Variants in KCNQ1 observed in about 807,000 individuals in gnomAD.
KCNQ1 encodes potassium voltage-gated channel subfamily Q member 1, also known as potassium voltage-gated channel subfamily KQT member 1.
In KCNQ1, 49 loss-of-function variants were observed where a neutral mutation model predicts 72.4. The ratio of observed to expected loss-of-function variants is 0.68; its 90% CI spans 0.54 to 0.86. The LOEUF (loss-of-function observed/expected upper bound fraction) is 0.86. Among genes scored for constraint, KCNQ1 ranks in the 40% least tolerant of loss-of-function variants. The probability of loss-of-function intolerance (pLI) is 0.00; values close to 1 mark genes in which losing one functional copy is unlikely to be tolerated. For synonymous variants in KCNQ1, 450 were observed against 412.6 expected (o/e 1.09, Z -1.10); for missense variants, 790 against 945.1 (o/e 0.84, Z 2.15).
intron 10 of KCNQ1, among the ~76,000 whole-genome samples, chr11:2,590,150 C>T (rs911026169): frequency 6.6e-5 from 10 of 152,210 alleles, no homozygotes; most frequent in African/African-American, 2.2e-4. Context: ...CTGAGCCCAG[C>T]GTGGGGTATT....
At position 2,468,069 on chromosome 11, in the gene KCNQ1, G is replaced by A. The variant is rs1846378663; in HGVS notation, c.386+22585G>A. ...CTTCTTAAAGGGCTGTTAGCCACGT[G>A]CTTAGACTGTGCCCGGAAAATGCAC... On this transcript the variant is annotated intron_variant, in intron 1 of 15. Coordinates refer to ENST00000155840, the MANE Select transcript of KCNQ1 (RefSeq NM_000218.3). This position sits in a 1 kb window ranked among gnomAD's most constrained non-coding sequence, Gnocchi z 5.7. 6.6e-6 allele frequency among the ~76,000 whole-genome samples: 1 copy of A among 152,258 alleles called. No individual in the cohort carries two copies.
rs998027312 is a variant in KCNQ1, at chr11:2,549,461, A to G, written c.478-21167A>G. On this transcript the variant is annotated intron_variant, in intron 2 of 15. Coordinates refer to ENST00000155840, the MANE Select transcript of KCNQ1 (RefSeq NM_000218.3). This position sits in a 1 kb window ranked among gnomAD's most constrained non-coding sequence, Gnocchi z 6.2. The stretch of plus-strand genomic sequence containing the variant: ...AGATTTTCTACCTCAAAGCGATGGA[A>G]CCCAGAAGACATGGGGCCCTCGAGG... Among the ~76,000 whole-genome samples the G allele has an allele frequency of 6.6e-6, 1 of 152,150 alleles. No homozygotes were observed. Among genetic ancestry groups the G allele is most frequent in the African/African-American group, 2.4e-5 (1 of 41,430 alleles).
At position 2,769,872 on chromosome 11, in the gene KCNQ1, GC is replaced by G. The variant is rs1846563065; in HGVS notation, c.1590+956del. Among the ~76,000 whole-genome samples, 1 of 152,118 alleles carries G rather than the reference GC, an allele frequency of 6.6e-6. No homozygotes were observed. The highest frequency in any genetic ancestry group is 1.5e-5 in the Non-Finnish European group (1 of 68,006). On this transcript the variant is annotated intron_variant, in intron 12 of 15. Transcript: ENST00000155840. This position sits in a 1 kb window ranked among gnomAD's most constrained non-coding sequence, Gnocchi z 4.6. The stretch of plus-strand genomic sequence containing the variant: ...ACAGCCTCACCAGTCATAAGGCACA[GC>G]CCAGGAAGGCTCAGCAATGTCCGCC...
In KCNQ1 at chr11:2,484,277, C is replaced by T. The variant is rs762111115; in HGVS notation, c.386+38793C>T. 7.2e-5 allele frequency among the ~76,000 whole-genome samples: 11 copies of T among 152,122 alleles called. No individual in the cohort carries two copies. Among genetic ancestry groups the T allele is most frequent in the Non-Finnish European group, 1.3e-4 (9 of 68,032 alleles). On this transcript the variant is annotated intron_variant, in intron 1 of 15. Transcript: ENST00000155840. The surrounding 1 kb of genome is among the most constrained non-coding windows in gnomAD (Gnocchi z 5.2). ...CTCCGGGGTTCAAGTGATTCTCCTG[C>T]CTCAGCCTCCTGAGTAGCTGGGATT...
At chr11:2,512,615 C>T (rs1004562218) in intron 1 of KCNQ1, among the ~76,000 whole-genome samples, 5 of 152,196 alleles carry the variant, frequency 3.3e-5, no homozygotes, top group South Asian at 2.1e-4. Context: ...GCCCTCTGGC[C>T]GCCTCTTGCT....
chr11:2,779,709 G>A (rs530687959), intron 15 of KCNQ1, among the ~76,000 whole-genome samples: 69 of 152,324 alleles, frequency 4.5e-4, no homozygotes, highest in African/African-American at 1.6e-3. Context: ...ATGGTGGGTG[G>A]CAGACAGGGC....
At chr11:2,628,498 T>A (rs1849296781) in intron 10 of KCNQ1, 1 of 398,350 alleles carries the variant, frequency 2.5e-6, no homozygotes, top group African/African-American at 2.1e-5. Context: ...GGTTATTAAG[T>A]TTTTTTGCTA....
intron 1 of KCNQ1, among the ~76,000 whole-genome samples, chr11:2,489,945 G>A (rs4929989): frequency 0.53 from 80,353 of 151,984 alleles, 22,599 homozygotes; most frequent in Non-Finnish European, 0.63. Flanking sequence ...ACCACAGTGG[G>A]GTAGAGCACC....
chr11:2,514,912 C>T (rs1003795334), intron 1 of KCNQ1, among the ~76,000 whole-genome samples: 10 of 152,208 alleles, frequency 6.6e-5, no homozygotes, highest in African/African-American at 2.4e-4. Flanking sequence ...GCCAGTGGGT[C>T]GTGTTGACCT....
chr11:2,756,639 T>C (rs1445632771), intron 11 of KCNQ1, among the ~76,000 whole-genome samples: 1 of 151,954 alleles, frequency 6.6e-6, no homozygotes, highest in Non-Finnish European at 1.5e-5. Context: ...TTTGTAGAGA[T>C]GTGGTTTGGC....
At position 2,620,199 on chromosome 11, in the gene KCNQ1, G is replaced by T; in HGVS notation, c.1393+31345G>T. ...CTGCAAAGGACGTAAGTTCATTCAT[G>T]TATATATATATATTTTTTTTTTTTA... On this transcript the variant is annotated intron_variant, in intron 10 of 15. Transcript: ENST00000155840. This position sits in a 1 kb window ranked among gnomAD's most constrained non-coding sequence, Gnocchi z 4.5. 1 of 295,192 alleles carries T rather than the reference G, an allele frequency of 3.4e-6. No homozygotes were observed. Among genetic ancestry groups the T allele is most frequent in the Non-Finnish European group, 5.6e-6 (1 of 178,474 alleles). The allele number at this position is 295,192 out of a possible 1,614,324, so 18.3% of individuals were successfully genotyped here. A position where few individuals can be genotyped will look rare whatever the true frequency, so the allele number is the denominator to read the frequency against.
chr11:2,699,444 C>T (rs904451365), intron 11 of KCNQ1: 8 of 403,626 alleles, frequency 2.0e-5, no homozygotes, highest in African/African-American at 4.1e-5. Context: ...GGGAGAACCG[C>T]ACTGAGGAGC....
chr11:2,749,525 CTTGG>C (rs1846190309), intron 11 of KCNQ1, among the ~76,000 whole-genome samples: 1 of 140,196 alleles, frequency 7.1e-6, no homozygotes, highest in Non-Finnish European at 1.6e-5. Context: ...AGCACCGAGG[CTTGG>C]CCGGGCGTGC....
rs1849906161 is a variant in KCNQ1 at position 2,659,203 on chromosome 11, A to G, written c.1394-2758A>G. 1 of 398,506 alleles carries G rather than the reference A, an allele frequency of 2.5e-6. No individual in the cohort carries two copies. The highest frequency in any genetic ancestry group is 3.6e-5 in the East Asian group (1 of 28,090). 24.7% of individuals were successfully genotyped at this position (398,506 alleles called of 1,614,324 possible). On this transcript the variant is annotated intron_variant, in intron 10 of 15. Coordinates refer to ENST00000155840, the MANE Select transcript of KCNQ1 (RefSeq NM_000218.3). The surrounding 1 kb of genome is among the most constrained non-coding windows in gnomAD (Gnocchi z 4.3). The stretch of plus-strand genomic sequence containing the variant: ...TGGAGTCATGTGTCCACAATCCAGT[A>G]TCATTCACAGAAGTTCCATACCCCT...
chr11:2,722,325 C>G (rs1446612660), intron 11 of KCNQ1, among the ~76,000 whole-genome samples: 1 of 152,172 alleles, frequency 6.6e-6, no homozygotes, highest in Non-Finnish European at 1.5e-5. Context: ...GTGCATGCCT[C>G]TCTGTGGCAG....
chr11:2,630,222 A>G (rs1849331062), intron 10 of KCNQ1: 1 of 398,186 alleles, frequency 2.5e-6, no homozygotes, highest in Non-Finnish European at 4.4e-6. Context: ...CATTTCTTGT[A>G]TATGTACACT....
At chr11:2,487,608 A>C (rs1390443503) in intron 1 of KCNQ1, among the ~76,000 whole-genome samples, 2 of 152,110 alleles carry the variant, frequency 1.3e-5, no homozygotes, top group African/African-American at 4.8e-5. Flanking sequence ...TTAATTCCTA[A>C]GTATTCTACT....
chr11:2,819,521 G>A (rs1303794735), intron 15 of KCNQ1, among the ~76,000 whole-genome samples: 1 of 152,244 alleles, frequency 6.6e-6, no homozygotes, highest in East Asian at 1.9e-4. Flanking sequence ...TAAACCTTAT[G>A]TGATCTTGAC....
intron 3 of KCNQ1, 96 bp from the exon 4 acceptor site, chr11:2,571,229 C>G (rs1848328431): frequency 9.7e-7 from 1 of 1,028,450 alleles, no homozygotes; most frequent in South Asian, 1.3e-5. Context: ...GTCTGACCAG[C>G]AAGCCCCTTC....
Sources: allele counts gnomAD v4.1 joint callset (sites outside exome capture counted in the v4.1 genomes callset), GRCh38; gene constraint gnomAD v4.1.1; non-coding constraint Gnocchi (gnomAD v3.1); transcripts MANE v1.5; gene names NCBI Gene and HGNC (gene_info 2026-07-23, HGNC 2026-07-21).